Variants in PHKG1 observed in about 807,000 individuals in gnomAD.
PHKG1 encodes the protein phosphorylase kinase catalytic subunit gamma 1.
A neutral mutation model predicts 50.5 loss-of-function variants in PHKG1; 48 were observed. The observed-to-expected ratio is 0.95, with a 90% CI of 0.75 to 1.21. PHKG1 has a LOEUF of 1.21. Among genes scored for constraint, PHKG1 ranks in the 50% most tolerant of loss-of-function variants. PHKG1 has a pLI of 0.00. For missense variants in PHKG1, 487 were observed against 519.5 expected (o/e 0.94, Z 0.61); for synonymous variants, 204 against 212.8 (o/e 0.96, Z 0.36).
rs1462519147 is a variant in PHKG1, at chr7:56,088,953, C to T, written c.-12G>A. On this transcript the variant is annotated 5_prime_UTR_variant, in exon 2 of 10. Coordinates refer to ENST00000297373, the MANE Select transcript of PHKG1 (RefSeq NM_006213.5). ...TCGTCCCGGGTCATGCTCAGATCTT[C>T]AGTGAGGGAACTCTGGGTGGCTCTG... The T allele has an allele frequency of 6.3e-7, 1 of 1,599,150 alleles. No homozygotes were observed. Among genetic ancestry groups the T allele is most frequent in the Non-Finnish European group, 8.6e-7 (1 of 1,166,860 alleles).
intron 4 of PHKG1, chr7:56,086,754 C>G (rs1282599678): frequency 1.2e-5 from 7 of 564,244 alleles, no homozygotes; most frequent in Non-Finnish European, 1.6e-5. Context: ...ATGAGAAAAC[C>G]AAGATTTAAA....
chr7:56,090,151 C>T (rs116698171), intron 1 of PHKG1, among the ~76,000 whole-genome samples: 3,134 of 151,984 alleles, frequency 0.021, 118 homozygotes, highest in African/African-American at 0.072. Context: ...AGTCTCAGTC[C>T]GTCACCCAGG....
chr7:56,083,538 A>G (rs1796118761), intron 5 of PHKG1, 97 bp from the exon 6 acceptor site: 1 of 1,524,718 alleles, frequency 6.6e-7, no homozygotes, highest in Non-Finnish European at 9.1e-7. Flanking sequence ...GCAAGGGAGC[A>G]GCACACACGC....
chr7:56,083,377 C>G lies in PHKG1; in HGVS notation c.448G>C (p.Asp150His). 2 of 1,614,122 alleles carry G rather than the reference C, an allele frequency of 1.2e-6. No homozygotes were observed. Among genetic ancestry groups the G allele is most frequent in the Non-Finnish European group, 8.5e-7 (1 of 1,180,030 alleles). ...AAGAGAATGTTCTCGGGCTTCAGGTCCCGGTGCACGATGTTGAGTTTGTGC... is the reference window on the plus strand; with the variant it reads ...AAGAGAATGTTCTCGGGCTTCAGGTGCCGGTGCACGATGTTGAGTTTGTGC... ...TLHKLNIVHR[D>H]LKPENILLDD... The change falls in exon 6 of 10, where the codon GAC becomes CAC. Residue 150 changes from aspartate to histidine, a missense_variant. By Grantham distance (81) the Asp-to-His change is moderately conservative (BLOSUM62 -1). Transcript: ENST00000297373.
chr7:56,082,761 A>G (rs752528989), intron 6 of PHKG1, among the ~76,000 whole-genome samples: 41 of 152,268 alleles, frequency 2.7e-4, no homozygotes, highest in Non-Finnish European at 4.7e-4. Flanking sequence ...ACTTCTAGCC[A>G]TCCTGGCCTG....
At chr7:56,084,370 A>G in intron 4 of PHKG1, 1 of 408,794 alleles carries the variant, frequency 2.4e-6, no homozygotes, top group Non-Finnish European at 4.3e-6. Flanking sequence ...GAGTATCCCG[A>G]TTTTTTTTTT....
intron 7 of PHKG1, 22 bp from the exon 8 acceptor site, chr7:56,082,068 G>A: frequency 6.2e-7 from 1 of 1,610,010 alleles, no homozygotes; most frequent in Non-Finnish European, 8.5e-7. Context: ...AGGGCCCAGG[G>A]CCACTTACCC....
intron 4 of PHKG1, chr7:56,084,341 A>T: frequency 1.6e-6 from 1 of 644,548 alleles, no homozygotes; most frequent in Non-Finnish European, 2.7e-6. Context: ...AGGACCCCAG[A>T]CCCAGATCAG....
rs141196426 is a variant in PHKG1, at chr7:56,081,658, C to T, written c.890G>A (p.Arg297Gln). Residue 297 changes from arginine (R) to glutamine (Q), a missense_variant, in exon 9 of 10, where the codon CGG (arginine) becomes CAG (glutamine). Transcript: ENST00000297373. The surrounding 1 kb of genome is among the most constrained non-coding windows in gnomAD (Gnocchi z 4.6). Reference sequence around the variant, plus strand: ...GAACTTCCCCCGGGGGCTGAAGTGCCGCACTTCCTCCACCAAGTACTGCTG... The same window carrying T: ...GAACTTCCCCCGGGGGCTGAAGTGCTGCACTTCCTCCACCAAGTACTGCTG... ...FFQQYLVEEV[R>Q]HFSPRGKFKV... The T allele has an allele frequency of 1.4e-5, 22 of 1,613,566 alleles. No homozygotes were observed. Among genetic ancestry groups the T allele is most frequent in the South Asian group, 1.2e-4 (11 of 91,070 alleles).
At chr7:56,083,617 AG>A in intron 5 of PHKG1, 32 bp downstream of exon 5, 1 of 1,557,334 alleles carries the variant, frequency 6.4e-7, no homozygotes, top group Non-Finnish European at 8.8e-7. Flanking sequence ...GCCACGTGGG[AG>A]GGAGCGGAGA....
intron 3 of PHKG1, 46 bp from the exon 4 acceptor site, chr7:56,087,070 G>A (rs1340301626): frequency 6.6e-7 from 1 of 1,513,910 alleles, no homozygotes; most frequent in Admixed American, 1.7e-5. Context: ...GGGGAGCCCA[G>A]GCAGGGGCAG....
At chr7:56,084,033 G>A in intron 4 of PHKG1, 1 of 640,378 alleles carries the variant, frequency 1.6e-6, no homozygotes. Flanking sequence ...CATGAGGTAG[G>A]CATTTCTTCA....
At chr7:56,091,941 A>G (rs1471768300) in intron 1 of PHKG1, among the ~76,000 whole-genome samples, 1 of 152,234 alleles carries the variant, frequency 6.6e-6, no homozygotes, top group Non-Finnish European at 1.5e-5. Flanking sequence ...ATTTGCTGGT[A>G]AGTCCTAAGT....
At position 56,083,156 on chromosome 7, in the gene PHKG1, ATGG is replaced by A. The variant is rs911091615; in HGVS notation, c.547+119_547+121del. The A allele has an allele frequency of 4.7e-6, 4 of 858,522 alleles. No homozygotes were observed. In the African/African-American group the frequency reaches 5.1e-5, roughly 11 times the overall value. 53.2% of individuals were successfully genotyped at this position (858,522 alleles called of 1,614,324 possible). On this transcript the variant is annotated intron_variant, in intron 6 of 9. Transcript: ENST00000297373. ...GAAAAAAAAATCCCTAGCCCTTGAA[ATGG>A]TGGAATTTTTATTCCAGGGAACAAT...
chr7:56,083,207 C>T (rs1195006758), intron 6 of PHKG1, 71 bp downstream of exon 6: 1 of 1,387,538 alleles, frequency 7.2e-7, no homozygotes, highest in Non-Finnish European at 1.0e-6. Context: ...GAAACCCAGA[C>T]CATCTCTATT....
Position 56,081,161 on chromosome 7 carries a change from G to C in PHKG1, c.1057C>G (p.Arg353Gly). 1 of 1,613,876 alleles carries C rather than the reference G, an allele frequency of 6.2e-7. No individual in the cohort carries two copies. ...LRRLIDAYAF[R>G]IYGHWVKKGQ... ...TTCTTCACCCAGTGGCCATAGATTC[G>C]GAAAGCGTAGGCGTCGATGAGCCGG... Residue 353 changes from arginine to glycine, a missense_variant, in exon 10 of 10, where the codon CGA becomes GGA. Physicochemically the swap from Arg to Gly is moderately radical, Grantham distance 125 (BLOSUM62 -2). Transcript: ENST00000297373. The surrounding 1 kb of genome is among the most constrained non-coding windows in gnomAD (Gnocchi z 4.6).
At chr7:56,084,369 G>T (rs1205212437) in intron 4 of PHKG1, 2 of 473,368 alleles carry the variant, frequency 4.2e-6, no homozygotes, top group Non-Finnish European at 7.4e-6. Flanking sequence ...TGAGTATCCC[G>T]ATTTTTTTTT....
Position 56,081,947 on chromosome 7 carries a change from G to A in PHKG1, c.738C>T (p.Asn246=). ...CCCACTCGGGCGAGCCAAACTGGTA[G>A]TTGCCGCTCATGATCATCCTCAGCA... is the stretch of plus-strand genomic sequence containing the variant. ...MLMLRMIMSG[N]YQFGSPEWDD... The change falls in exon 8 of 10, where the codon AAC becomes AAT. Residue 246 remains asparagine, a synonymous_variant. Transcript: ENST00000297373. This position sits in a 1 kb window ranked among gnomAD's most constrained non-coding sequence, Gnocchi z 4.6. The A allele has an allele frequency of 6.2e-7, 1 of 1,613,942 alleles. No individual in the cohort carries two copies.
In PHKG1 at chr7:56,081,636, C is replaced by A. The variant is rs768900651; in HGVS notation, c.912G>T (p.Lys304Asn). The stretch of plus-strand genomic sequence containing the variant: ...GGATCAGGACGCTTAGTACCTTGAA[C>A]TTCCCCCGGGGGCTGAAGTGCCGCA... ...EEVRHFSPRGKFKVIALTVLA... is the reference protein window; with the variant it reads ...EEVRHFSPRGNFKVIALTVLA... Residue 304 changes from lysine to asparagine, a missense_variant, in exon 9 of 10, where the codon AAG (lysine) becomes AAT (asparagine). Lys to Asn is a moderately conservative substitution (Grantham distance 94). Transcript: ENST00000297373. This position sits in a 1 kb window ranked among gnomAD's most constrained non-coding sequence, Gnocchi z 4.6. The A allele has an allele frequency of 6.2e-7, 1 of 1,613,678 alleles. No individual in the cohort carries two copies. Among genetic ancestry groups the A allele is most frequent in the East Asian group, 2.2e-5 (1 of 44,876 alleles).
Sources: allele counts gnomAD v4.1 joint callset (sites outside exome capture counted in the v4.1 genomes callset), GRCh38; gene constraint gnomAD v4.1.1; non-coding constraint Gnocchi (gnomAD v3.1); transcripts MANE v1.5; gene names NCBI Gene and HGNC (gene_info 2026-07-23, HGNC 2026-07-21).